Variants in LARP4B observed in about 807,000 individuals in gnomAD.
LARP4B encodes the protein La ribonucleoprotein 4B.
Under a neutral mutation model 89.8 loss-of-function variants are expected in LARP4B, and 12 were observed. That is an observed-to-expected ratio of 0.13 (90% CI 0.09 to 0.22). The LOEUF is 0.22. Ranked by LOEUF, LARP4B falls within the 10% of genes least tolerant of loss-of-function variation. LARP4B has a pLI of 1.00. For synonymous variants in LARP4B, 367 were observed against 363.3 expected (o/e 1.01, Z -0.12); for missense variants, 757 against 947.7 (o/e 0.80, Z 2.64).
intron 1 of LARP4B, among the ~76,000 whole-genome samples, chr10:909,361 G>A (rs1187959406): frequency 6.7e-6 from 1 of 149,836 alleles, no homozygotes; most frequent in Non-Finnish European, 1.5e-5. Flanking sequence ...TCCAAGCACA[G>A]AATCCAACAA....
intron 5 of LARP4B, among the ~76,000 whole-genome samples, chr10:853,513 G>A (rs1834156771): frequency 6.6e-6 from 1 of 152,052 alleles, no homozygotes; most frequent in Non-Finnish European, 1.5e-5. Context: ...GCAAAACCCT[G>A]TCTCTAATAA....
chr10:835,291 G>A (rs562744437), intron 8 of LARP4B, among the ~76,000 whole-genome samples: 2 of 152,272 alleles, frequency 1.3e-5, no homozygotes, highest in East Asian at 3.9e-4. Context: ...ACATGCTAGG[G>A]TTGTTTTCCT....
chr10:822,190 C>T lies in LARP4B; in HGVS notation c.1485-1345G>A, dbSNP rs745878687. Among the ~76,000 whole-genome samples the T allele has an allele frequency of 2.2e-4, 34 of 152,218 alleles. No individual in the cohort carries two copies. Among genetic ancestry groups the T allele is most frequent in the Non-Finnish European group, 3.8e-4 (26 of 68,032 alleles). On this transcript the variant is annotated intron_variant, in intron 13 of 17. Transcript: ENST00000316157. The surrounding 1 kb of genome is among the most constrained non-coding windows in gnomAD (Gnocchi z 4.6). ...TGACCCATGAGCAGAGCTAGGGATGCAACCAGATGAGAGTCTTCAGTGGGA... is the reference window on the plus strand; with the variant it reads ...TGACCCATGAGCAGAGCTAGGGATGTAACCAGATGAGAGTCTTCAGTGGGA...
At chr10:890,924 T>C (rs1335404001) in intron 1 of LARP4B, among the ~76,000 whole-genome samples, 2 of 152,092 alleles carry the variant, frequency 1.3e-5, no homozygotes, top group South Asian at 4.1e-4. Context: ...ACTAAAGACA[T>C]ATTAATAGTT....
chr10:857,910 A>T (rs1834392237), intron 5 of LARP4B, among the ~76,000 whole-genome samples: 1 of 152,206 alleles, frequency 6.6e-6, no homozygotes. Flanking sequence ...GATTTTAGAA[A>T]TCTCATCCTA....
intron 1 of LARP4B, among the ~76,000 whole-genome samples, chr10:925,738 T>C (rs1444333511): frequency 1.3e-5 from 2 of 152,166 alleles, no homozygotes; most frequent in African/African-American, 4.8e-5. Flanking sequence ...TTCACCATGT[T>C]GGCCAGGCTG....
intron 1 of LARP4B, among the ~76,000 whole-genome samples, chr10:904,486 G>A (rs1001217454): frequency 2.9e-4 from 43 of 150,574 alleles, no homozygotes; most frequent in Admixed American, 2.6e-3. Flanking sequence ...CCTGGGGGGC[G>A]GAGGGTTGGG....
chr10:908,684 T>C (rs1836568099), intron 1 of LARP4B, among the ~76,000 whole-genome samples: 1 of 152,210 alleles, frequency 6.6e-6, no homozygotes, highest in South Asian at 2.1e-4. Flanking sequence ...TTCTTCTGGG[T>C]TGATTGTTGT....
At chr10:928,329 C>A (rs755231324) in intron 1 of LARP4B, among the ~76,000 whole-genome samples, 17 of 152,142 alleles carry the variant, frequency 1.1e-4, no homozygotes, top group Non-Finnish European at 2.1e-4. Context: ...CTTTGAGAGG[C>A]CCTAACATAG....
chr10:837,337 TA>T (rs761466541), intron 7 of LARP4B, among the ~76,000 whole-genome samples: 1 of 152,190 alleles, frequency 6.6e-6, no homozygotes, highest in Non-Finnish European at 1.5e-5. Flanking sequence ...AAGACCTACA[TA>T]AAGACATATT....
chr10:959,359 G>A, the LARP4B span, among the ~76,000 whole-genome samples: 794 of 132,282 alleles, frequency 6.0e-3, 7 homozygotes, highest in African/African-American at 0.02. Flanking sequence ...CCACCTCCCC[G>A]TCAATCCCAC....
the LARP4B span, among the ~76,000 whole-genome samples, chr10:980,802 G>A: frequency 2.6e-5 from 4 of 152,184 alleles, no homozygotes; most frequent in Admixed American, 6.5e-5. Flanking sequence ...ATTTTGGCTC[G>A]CTTTTAGTTA....
chr10:941,284 C>T, the LARP4B span, among the ~76,000 whole-genome samples: 1 of 151,670 alleles, frequency 6.6e-6, no homozygotes, highest in Admixed American at 6.6e-5. Flanking sequence ...GGGAGAGTCC[C>T]AATTCCCCAT....
At chr10:869,912 A>G (rs1835111148) in intron 3 of LARP4B, 1 of 110,422 alleles carries the variant, frequency 9.1e-6, no homozygotes, top group Non-Finnish European at 2.0e-5. Context: ...ATAAATAATA[A>G]TAATAATAAT....
Position 919,413 on chromosome 10 carries a change from T to G in LARP4B, c.-40+12015A>C, listed in dbSNP as rs74116994. On this transcript the variant is annotated intron_variant, in intron 1 of 17. Transcript: ENST00000316157. Reference sequence around the variant, plus strand: ...CTATAAAGTTCCCATTTTCTGTTCTTCCTGTATTGGATGATGTAAAGCAAA... The same window carrying G: ...CTATAAAGTTCCCATTTTCTGTTCTGCCTGTATTGGATGATGTAAAGCAAA... Among the ~76,000 whole-genome samples the G allele has an allele frequency of 4.6e-3, 703 of 152,258 alleles. 8 individuals are homozygous for G. Among genetic ancestry groups the G allele is most frequent in the African/African-American group, 0.016 (680 of 41,526 alleles).
At chr10:832,883 A>C (rs1409272818) in intron 8 of LARP4B, among the ~76,000 whole-genome samples, 1 of 152,250 alleles carries the variant, frequency 6.6e-6, no homozygotes, top group African/African-American at 2.4e-5. Context: ...TAAATGGCAA[A>C]TACTGAATAA....
intron 1 of LARP4B, among the ~76,000 whole-genome samples, chr10:895,639 C>T (rs570321746): frequency 6.7e-4 from 101 of 149,786 alleles, no homozygotes; most frequent in Non-Finnish European, 1.2e-3. Flanking sequence ...CACCACTATA[C>T]TCCAGCCTGG....
intron 5 of LARP4B, among the ~76,000 whole-genome samples, chr10:846,145 G>C (rs565471893): frequency 2.0e-5 from 3 of 152,164 alleles, no homozygotes; most frequent in South Asian, 2.1e-4. Flanking sequence ...GGTGTCTCCG[G>C]GTCACTCATC....
chr10:837,668 C>T (rs1395217603), intron 7 of LARP4B, among the ~76,000 whole-genome samples: 1 of 152,180 alleles, frequency 6.6e-6, no homozygotes, highest in Admixed American at 6.5e-5. Flanking sequence ...GCAGTCAATA[C>T]GACAAGGCCC....
Sources: allele counts gnomAD v4.1 joint callset (sites outside exome capture counted in the v4.1 genomes callset), GRCh38; gene constraint gnomAD v4.1.1; non-coding constraint Gnocchi (gnomAD v3.1); transcripts MANE v1.5; gene names NCBI Gene and HGNC (gene_info 2026-07-23, HGNC 2026-07-21).